The following LOC400499 variants were observed in gnomAD, a reference collection of about 807,000 sequenced individuals.
the LOC400499 span, chr16:11,390,052 C>G: frequency 8.7e-7 from 1 of 1,148,406 alleles, no homozygotes; most frequent in South Asian, 4.4e-5. Flanking sequence ...TTCAGCACTG[C>G]ACCTGGTATG....
chr16:11,482,645 C>G, the LOC400499 span, among the ~76,000 whole-genome samples: 509 of 152,202 alleles, frequency 3.3e-3, 4 homozygotes, highest in African/African-American at 0.011. Flanking sequence ...AATCCCAGCA[C>G]TTTGGGAGGC....
the LOC400499 span, among the ~76,000 whole-genome samples, chr16:11,381,886 T>C: frequency 6.6e-6 from 1 of 152,184 alleles, no homozygotes; most frequent in African/African-American, 2.4e-5. Context: ...TGGATGGATT[T>C]ATTGTATTGG....
At chr16:11,376,365 T>TC in the LOC400499 span, among the ~76,000 whole-genome samples, 66,593 of 150,842 alleles carry the variant, frequency 0.44, 15,452 homozygotes, top group Non-Finnish European at 0.54. Context: ...TTTTTTTTTT[T>TC]CCCAACATGT....
the LOC400499 span, chr16:11,384,329 T>TGGGGAAG: frequency 3.7e-5 from 46 of 1,229,880 alleles, no homozygotes; most frequent in East Asian, 6.3e-4. Flanking sequence ...GATATGCCTG[T>TGGGGAAG]GGGGAAGAGG....
chr16:11,459,583 T>A, the LOC400499 span, among the ~76,000 whole-genome samples: 1 of 152,070 alleles, frequency 6.6e-6, no homozygotes, highest in Non-Finnish European at 1.5e-5. Context: ...ACACCATCAG[T>A]CCTAACTCAG....
the LOC400499 span, chr16:11,487,198 G>A: frequency 5.0e-6 from 2 of 398,546 alleles, no homozygotes; most frequent in Non-Finnish European, 8.8e-6. Context: ...TAAGTGACTG[G>A]GATATTTTTT....
At chr16:11,471,943 T>C in the LOC400499 span, 8 of 397,630 alleles carry the variant, frequency 2.0e-5, no homozygotes, top group South Asian at 7.1e-4. Flanking sequence ...AAAGGCACCA[T>C]GTAGACAGGA....
chr16:11,471,978 A>G, the LOC400499 span: 1 of 396,640 alleles, frequency 2.5e-6, no homozygotes, highest in African/African-American at 2.1e-5. Context: ...TGGTGTGTAG[A>G]CCAGGGTTTC....
At chr16:11,390,737 T>G in the LOC400499 span, among the ~76,000 whole-genome samples, 3 of 152,198 alleles carry the variant, frequency 2.0e-5, no homozygotes. Context: ...TGAGGCTCCC[T>G]GCATCTGAAC....
the LOC400499 span, among the ~76,000 whole-genome samples, chr16:11,448,740 A>T: frequency 6.6e-6 from 1 of 152,142 alleles, no homozygotes; most frequent in Non-Finnish European, 1.5e-5. Flanking sequence ...ATATAAGAAA[A>T]GAAGGAAAAG....
the LOC400499 span, among the ~76,000 whole-genome samples, chr16:11,476,401 C>G: frequency 6.6e-6 from 1 of 152,078 alleles, no homozygotes; most frequent in Non-Finnish European, 1.5e-5. Context: ...CACCTCTCAG[C>G]TGCCCACGGT....
chr16:11,391,549 G>T, the LOC400499 span: 3 of 878,598 alleles, frequency 3.4e-6, no homozygotes, highest in African/African-American at 3.4e-5. Flanking sequence ...CATGGGAAGC[G>T]AGGCCACATT....
chr16:11,426,194 G>T, the LOC400499 span, among the ~76,000 whole-genome samples: 1 of 152,186 alleles, frequency 6.6e-6, no homozygotes, highest in Non-Finnish European at 1.5e-5. Flanking sequence ...CCAGCACTTT[G>T]GGAGGCTGAG....
the LOC400499 span, chr16:11,439,555 G>A: frequency 2.5e-6 from 1 of 399,106 alleles, no homozygotes; most frequent in Non-Finnish European, 4.4e-6. Context: ...CAAAGTCGGA[G>A]TCAGATCCGT....
At chr16:11,392,643 G>C in the LOC400499 span, 1 of 594,770 alleles carries the variant, frequency 1.7e-6, no homozygotes, top group Non-Finnish European at 2.5e-6. Flanking sequence ...GCACCACCTA[G>C]AGCAACCACC....
At chr16:11,495,259 C>T in the LOC400499 span, among the ~76,000 whole-genome samples, 1 of 151,970 alleles carries the variant, frequency 6.6e-6, no homozygotes, top group East Asian at 1.9e-4. Context: ...CTCCATGTGG[C>T]CCACGACTCA....
At chr16:11,374,998 A>G in the LOC400499 span, among the ~76,000 whole-genome samples, 1 of 151,912 alleles carries the variant, frequency 6.6e-6, no homozygotes, top group African/African-American at 2.4e-5. Flanking sequence ...ACAGGCCTGC[A>G]CCACCACACC....
At chr16:11,517,639 C>T in the LOC400499 span, among the ~76,000 whole-genome samples, 5 of 152,250 alleles carry the variant, frequency 3.3e-5, no homozygotes, top group African/African-American at 1.2e-4. Flanking sequence ...GAAATGAGGT[C>T]CCGAGACGGG....
the LOC400499 span, chr16:11,462,512 C>T: frequency 4.1e-5 from 34 of 829,468 alleles, no homozygotes; most frequent in Non-Finnish European, 4.7e-5. Context: ...TCGCTGCAAC[C>T]TCCACCTCCT....
Sources: gnomAD v4.1 joint callset for allele counts (sites outside exome capture counted in the v4.1 genomes callset) on GRCh38, gnomAD v4.1.1 for gene constraint, MANE v1.5 for transcripts.